CAMK1D: variants seen among roughly 807,000 people sequenced by gnomAD.
The protein encoded by CAMK1D is calcium/calmodulin-dependent protein kinase type 1D.
Under a neutral mutation model 47.7 loss-of-function variants are expected in CAMK1D, and 9 were observed. The ratio of observed to expected loss-of-function variants is 0.19; its 90% CI spans 0.11 to 0.33. The LOEUF (loss-of-function observed/expected upper bound fraction) is 0.33. CAMK1D is among the 10% of genes least tolerant of loss of function. The pLI, the probability that CAMK1D is intolerant of heterozygous loss-of-function variation, is 1.00. For synonymous variants in CAMK1D, 184 were observed against 184.9 expected (o/e 0.99, Z 0.04); for missense variants, 291 against 488.7 (o/e 0.60, Z 3.81).
chr10:12,506,063 C>T (rs1162885382), intron 1 of CAMK1D, among the ~76,000 whole-genome samples: 1 of 152,106 alleles, frequency 6.6e-6, no homozygotes, highest in African/African-American at 2.4e-5. Flanking sequence ...TTTTCCCGTC[C>T]ATGTAATGGT....
At chr10:12,704,249 A>G (rs1201083315) in intron 3 of CAMK1D, among the ~76,000 whole-genome samples, 1 of 152,062 alleles carries the variant, frequency 6.6e-6, no homozygotes, top group African/African-American at 2.4e-5. Context: ...TTGTTTATGT[A>G]AAACCCTTGG....
At chr10:12,784,239 G>T (rs952045570) in intron 5 of CAMK1D, among the ~76,000 whole-genome samples, 1 of 128,068 alleles carries the variant, frequency 7.8e-6, no homozygotes, top group Admixed American at 9.3e-5. Context: ...CACTCTTGTT[G>T]TCCAGGCTGG....
intron 1 of CAMK1D, among the ~76,000 whole-genome samples, chr10:12,459,459 TA>T (rs986820617): frequency 1.3e-5 from 2 of 151,964 alleles, no homozygotes; most frequent in Non-Finnish European, 2.9e-5. Flanking sequence ...TTCTGTAGTT[TA>T]AAAAAATTCC....
intron 1 of CAMK1D, among the ~76,000 whole-genome samples, chr10:12,420,626 T>G (rs1296468071): frequency 6.6e-6 from 1 of 152,172 alleles, no homozygotes; most frequent in African/African-American, 2.4e-5. Flanking sequence ...TTCTGCATAT[T>G]TCTAACAGCC....
chr10:12,577,377 C>T (rs758408063), intron 2 of CAMK1D, among the ~76,000 whole-genome samples: 1 of 152,198 alleles, frequency 6.6e-6, no homozygotes, highest in Non-Finnish European at 1.5e-5. Context: ...CCCTCTAGGC[C>T]TCCAGCCTGG....
chr10:12,598,227 A>G (rs956851257), intron 2 of CAMK1D, among the ~76,000 whole-genome samples: 7 of 152,230 alleles, frequency 4.6e-5, no homozygotes, highest in African/African-American at 1.4e-4. Context: ...AGGATGTTCA[A>G]TTGCTTTTCT....
intron 2 of CAMK1D, among the ~76,000 whole-genome samples, chr10:12,615,709 GA>G (rs1838773724): frequency 7.8e-6 from 1 of 127,658 alleles, no homozygotes; most frequent in Admixed American, 7.3e-5. Context: ...GGTGTCTATA[GA>G]TGTGTAGGTG....
chr10:12,428,569 C>T (rs1840330631), intron 1 of CAMK1D, among the ~76,000 whole-genome samples: 1 of 152,138 alleles, frequency 6.6e-6, no homozygotes, highest in Non-Finnish European at 1.5e-5. Context: ...CATCCCGTTC[C>T]TCTTCAACTT....
chr10:12,408,394 C>T (rs963553068), intron 1 of CAMK1D, among the ~76,000 whole-genome samples: 2 of 149,334 alleles, frequency 1.3e-5, no homozygotes, highest in Non-Finnish European at 3.0e-5. Flanking sequence ...AGGGTGGTCT[C>T]GATCTCCTGA....
At chr10:12,730,729 A>G (rs1417133529) in intron 3 of CAMK1D, among the ~76,000 whole-genome samples, 1 of 152,150 alleles carries the variant, frequency 6.6e-6, no homozygotes, top group Admixed American at 6.5e-5. Context: ...TTGGAAGGTA[A>G]GTCGAGAAGG....
Position 12,368,566 on chromosome 10 carries a change from A to G in CAMK1D, c.92+18656A>G, listed in dbSNP as rs369858779. Reference sequence around the variant, plus strand: ...TCTGAGTTTCTCTTCTCTCACATTTAAGTGGGGGTAACAGTACCTACCTTT... The same window carrying G: ...TCTGAGTTTCTCTTCTCTCACATTTGAGTGGGGGTAACAGTACCTACCTTT... On this transcript the variant is annotated intron_variant, in intron 1 of 10. Coordinates refer to ENST00000619168, the MANE Select transcript of CAMK1D (RefSeq NM_153498.4). Among the ~76,000 whole-genome samples the G allele has an allele frequency of 1.1e-4, 16 of 152,172 alleles. No individual in the cohort carries two copies. The East Asian group carries it at 2.7e-3, about 26-fold the overall frequency.
rs528526507 is a variant in CAMK1D at position 12,832,242 on chromosome 10, C to T, written c.*3355C>T. ...TAGGAGGAGTTTCTATTCATTGAGA[C>T]AAACAGTGAGCGGGCACCAACAGGC... On this transcript the variant is annotated 3_prime_UTR_variant, in exon 11 of 11. Transcript: ENST00000619168. The T allele has an allele frequency of 6.6e-6, 1 of 152,280 alleles. No homozygotes were observed. Among genetic ancestry groups the T allele is most frequent in the African/African-American group, 2.4e-5 (1 of 41,440 alleles). The allele number at this position is 152,280 out of a possible 1,614,324, so 9.4% of individuals were successfully genotyped here.
chr10:12,704,179 A>G lies in CAMK1D; in HGVS notation c.299+37369A>G, dbSNP rs533832551. ...GTGCTATATTCATCCCTTTTTTTCC[A>G]GCTTTTTAAATATAATTTTAAGAAG... On this transcript the variant is annotated intron_variant, in intron 3 of 10. Transcript: ENST00000619168. Among the ~76,000 whole-genome samples the G allele has an allele frequency of 3.9e-5, 6 of 152,184 alleles. No homozygotes were observed. The South Asian group carries it at 1.2e-3, about 32-fold the overall frequency.
intron 2 of CAMK1D, among the ~76,000 whole-genome samples, chr10:12,555,909 G>T (rs1227729104): frequency 6.6e-6 from 1 of 152,190 alleles, no homozygotes; most frequent in Admixed American, 6.5e-5. Flanking sequence ...TGTTGATGCC[G>T]TGGATGGTCT....
chr10:12,663,165 T>C lies in CAMK1D; in HGVS notation c.225-3571T>C, dbSNP rs531215376. ...TAGTAGGAATGGGGTTTCACCATGT[T>C]GGCCAGGCTGGTCTGGAACTCCTGA... On this transcript the variant is annotated intron_variant, in intron 2 of 10. Transcript: ENST00000619168. Among the ~76,000 whole-genome samples, 19 of 151,856 alleles carry C rather than the reference T, an allele frequency of 1.3e-4. No homozygotes were observed. The East Asian group carries it at 2.4e-3, about 19-fold the overall frequency.
intron 8 of CAMK1D, among the ~76,000 whole-genome samples, chr10:12,819,889 G>A (rs1023744423): frequency 1.3e-5 from 2 of 152,176 alleles, no homozygotes; most frequent in Non-Finnish European, 2.9e-5. Flanking sequence ...GACTGTCAGG[G>A]ACGGAGAAGC....
chr10:12,427,555 C>T (rs1840275180), intron 1 of CAMK1D, among the ~76,000 whole-genome samples: 3 of 152,070 alleles, frequency 2.0e-5, no homozygotes, highest in African/African-American at 7.2e-5. Flanking sequence ...TCTGGGAGGG[C>T]AGAGAATAAC....
intron 1 of CAMK1D, among the ~76,000 whole-genome samples, chr10:12,441,560 C>A (rs1832784686): frequency 6.6e-6 from 1 of 151,904 alleles, no homozygotes; most frequent in Non-Finnish European, 1.5e-5. Context: ...CACCTGTAAT[C>A]CCAGCACTTT....
chr10:12,683,580 G>A (rs1169376399), intron 3 of CAMK1D, among the ~76,000 whole-genome samples: 1 of 151,940 alleles, frequency 6.6e-6, no homozygotes, highest in African/African-American at 2.4e-5. Flanking sequence ...TTTTTATCAT[G>A]ATTTATTTTG....
Sources: allele counts gnomAD v4.1 joint callset (sites outside exome capture counted in the v4.1 genomes callset), GRCh38; gene constraint gnomAD v4.1.1; transcripts MANE v1.5; gene names NCBI Gene and HGNC (gene_info 2026-07-23, HGNC 2026-07-21).